COL11A1: variants seen among roughly 807,000 people sequenced by gnomAD.
The protein encoded by COL11A1 is collagen alpha-1(XI) chain.
A neutral mutation model predicts 265.2 loss-of-function variants in COL11A1; 74 were observed. The ratio of observed to expected loss-of-function variants is 0.28; its 90% CI spans 0.23 to 0.34. COL11A1 has a LOEUF of 0.34. Ranked by LOEUF, COL11A1 falls within the 10% of genes least tolerant of loss-of-function variation. COL11A1 has a pLI of 1.00. For missense variants in COL11A1, 2,165 were observed against 2,263.6 expected (o/e 0.96, Z 0.88); for synonymous variants, 816 against 727.6 (o/e 1.12, Z -1.96).
chr1:102,883,173 C>A (rs1353742713), intron 64 of COL11A1, 26 bp downstream of exon 64: 1 of 1,456,378 alleles, frequency 6.9e-7, no homozygotes, highest in Non-Finnish European at 9.6e-7. Context: ...TGTCAACATT[C>A]ACCACCAAAA....
chr1:102,937,774 G>GT (rs1658299147), intron 44 of COL11A1, among the ~76,000 whole-genome samples: 1 of 152,252 alleles, frequency 6.6e-6, no homozygotes, highest in South Asian at 2.1e-4. Context: ...ACAACCTGCT[G>GT]AACTGTAAGC....
chr1:102,905,337 AGG>A (rs1653827142), intron 54 of COL11A1, among the ~76,000 whole-genome samples: 1 of 151,012 alleles, frequency 6.6e-6, no homozygotes, highest in Non-Finnish European at 1.5e-5. Flanking sequence ...ACAAACCTAC[AGG>A]TTGTGCACAT....
At chr1:102,889,363 CT>C in intron 59 of COL11A1, 91 bp downstream of exon 59, 1 of 832,906 alleles carries the variant, frequency 1.2e-6, no homozygotes, top group Non-Finnish European at 2.0e-6. Flanking sequence ...TAAATTCTTT[CT>C]TTGATCATAC....
chr1:103,065,035 T>C (rs1441422638), intron 4 of COL11A1, among the ~76,000 whole-genome samples: 4 of 152,172 alleles, frequency 2.6e-5, no homozygotes, highest in Non-Finnish European at 5.9e-5. Flanking sequence ...ACATGTAAAC[T>C]ATAGACTTTG....
At chr1:102,891,299 C>T (rs138558935) in intron 57 of COL11A1, among the ~76,000 whole-genome samples, 75 of 152,084 alleles carry the variant, frequency 4.9e-4, no homozygotes, top group East Asian at 3.7e-3. Context: ...AAGTATAAGA[C>T]GTTACAAACT....
chr1:102,898,589 T>C, intron 56 of COL11A1, 77 bp downstream of exon 56: 2 of 1,074,514 alleles, frequency 1.9e-6, no homozygotes, highest in South Asian at 2.7e-5. Flanking sequence ...AATGCTAACA[T>C]AGACACCTTC....
chr1:102,928,708 C>T (rs12043753), intron 46 of COL11A1, among the ~76,000 whole-genome samples: 92,268 of 143,070 alleles, frequency 0.64, 33,598 homozygotes, highest in East Asian at 0.98. Context: ...TACAGTCCCA[C>T]CAACAGTGTA....
chr1:103,049,291 G>A (rs1222329317), intron 4 of COL11A1, among the ~76,000 whole-genome samples: 3 of 152,090 alleles, frequency 2.0e-5, no homozygotes, highest in Non-Finnish European at 4.4e-5. Flanking sequence ...TCCTGTATTG[G>A]GTGCATATAT....
rs564741864 is a variant in COL11A1, at chr1:102,970,539, A to T, written c.2809-267T>A. Among the ~76,000 whole-genome samples, 191 of 152,300 alleles carry T rather than the reference A, an allele frequency of 1.3e-3. 1 individual carries two copies. Among genetic ancestry groups the T allele is most frequent in the Middle Eastern group, 0.01 (3 of 294 alleles). ...TTTCATTTGCATCAATCATTTGTAA[A>T]ATAATATTTGCAAAGGTTTGTATTT... On this transcript the variant is annotated intron_variant, in intron 36 of 66. Coordinates refer to ENST00000370096, the MANE Select transcript of COL11A1 (RefSeq NM_001854.4).
At chr1:102,988,856 G>A (rs1024649639) in intron 29 of COL11A1, among the ~76,000 whole-genome samples, 1 of 152,052 alleles carries the variant, frequency 6.6e-6, no homozygotes, top group African/African-American at 2.4e-5. Context: ...TTAAGAACTT[G>A]TATATGGATG....
At position 103,022,598 on chromosome 1, in the gene COL11A1, G is replaced by T. The variant is rs1307851135; in HGVS notation, c.1245+144C>A. The T allele has an allele frequency of 9.4e-6, 8 of 852,052 alleles. No homozygotes were observed. The African/African-American group carries it at 1.4e-4, about 14-fold the overall frequency. The allele number at this position is 852,052 out of a possible 1,614,324, so 52.8% of individuals were successfully genotyped here. A position where few individuals can be genotyped will look rare whatever the true frequency, so the allele number is the denominator to read the frequency against. On this transcript the variant is annotated intron_variant, in intron 8 of 66. Coordinates refer to ENST00000370096, the MANE Select transcript of COL11A1 (RefSeq NM_001854.4). Reference sequence around the variant, plus strand: ...ATTCCCATGTGAAAGAATCTAACAAGGTGTCCTAGTGGTAATAGGCATTCA... The same window carrying T: ...ATTCCCATGTGAAAGAATCTAACAATGTGTCCTAGTGGTAATAGGCATTCA...
At chr1:103,021,838 CTTTTTTTTT>C (rs35291481) in intron 8 of COL11A1, 69 bp from the exon 9 acceptor site, 1 of 808,436 alleles carries the variant, frequency 1.2e-6, no homozygotes, top group Admixed American at 2.2e-5. Flanking sequence ...TTCTTTTCTT[CTTTTTTTTT>C]TTCTTTCTTT....
At chr1:102,946,417 G>A (rs1281955965) in intron 42 of COL11A1, among the ~76,000 whole-genome samples, 1 of 152,036 alleles carries the variant, frequency 6.6e-6, no homozygotes, top group African/African-American at 2.4e-5. Context: ...GGCGATCGGA[G>A]CTCAGATTAC....
intron 49 of COL11A1, among the ~76,000 whole-genome samples, chr1:102,917,558 C>A (rs116051363): frequency 6.6e-6 from 1 of 151,774 alleles, no homozygotes; most frequent in Non-Finnish European, 1.5e-5. Flanking sequence ...TTATGTACCA[C>A]ATTAATTCAT....
At chr1:103,083,188 G>T (rs1672556981) in intron 1 of COL11A1, among the ~76,000 whole-genome samples, 1 of 151,436 alleles carries the variant, frequency 6.6e-6, no homozygotes, top group South Asian at 2.1e-4. Flanking sequence ...CTCAAATCTG[G>T]AATCAAATTA....
chr1:102,886,865 C>T lies in COL11A1; in HGVS notation c.4800G>A (p.Gln1600=), dbSNP rs2100839809. 1 of 1,613,736 alleles carries T rather than the reference C, an allele frequency of 6.2e-7. No homozygotes were observed. The highest frequency in any genetic ancestry group is 1.7e-5 in the Admixed American group (1 of 59,966). The change falls in exon 63 of 67, where the codon CAG becomes CAA. Residue 1600 remains glutamine (Q), a synonymous_variant. Transcript: ENST00000370096. ...CTTTACAAGTTCGGGCTGGATTGGT[C>T]TGAGTACCCATTGGAAATTTCATAT... is the stretch of plus-strand genomic sequence containing the variant. The part of the protein sequence containing the change: ...IEHMKFPMGT[Q]TNPARTCKDL...
At chr1:103,001,792 A>G in intron 24 of COL11A1, 133 bp downstream of exon 24, 1 of 773,014 alleles carries the variant, frequency 1.3e-6, no homozygotes. Flanking sequence ...TTCCATGTCG[A>G]CTCCAGATTA....
intron 46 of COL11A1, among the ~76,000 whole-genome samples, chr1:102,929,619 T>A (rs886853085): frequency 6.6e-6 from 1 of 152,122 alleles, no homozygotes; most frequent in Non-Finnish European, 1.5e-5. Context: ...TTTTTTCCAA[T>A]TCTGTGAAGA....
At chr1:102,917,987 A>T (rs1655545111) in intron 49 of COL11A1, among the ~76,000 whole-genome samples, 1 of 151,568 alleles carries the variant, frequency 6.6e-6, no homozygotes, top group Non-Finnish European at 1.5e-5. Flanking sequence ...TTTAAAATTT[A>T]TCTAAAATGT....
Sources: allele counts gnomAD v4.1 joint callset (sites outside exome capture counted in the v4.1 genomes callset), GRCh38; gene constraint gnomAD v4.1.1; transcripts MANE v1.5; gene names NCBI Gene and HGNC (gene_info 2026-07-23, HGNC 2026-07-21).